Variants in TRIOBP observed in about 807,000 individuals in gnomAD.
TRIOBP encodes the protein TRIO and F-actin-binding protein.
A neutral mutation model predicts 238.8 loss-of-function variants in TRIOBP; 169 were observed. That is an observed-to-expected ratio of 0.71 (90% confidence interval 0.62 to 0.80). TRIOBP has a LOEUF of 0.80. Among genes scored for constraint, TRIOBP ranks in the 30% least tolerant of loss-of-function variants. The pLI is 0.00. For synonymous variants in TRIOBP, 1,150 were observed against 1,274.4 expected, an observed-to-expected ratio of 0.90 and a Z score of 2.08; for missense variants, 2,838 against 3,122.6, an observed-to-expected ratio of 0.91 and a Z score of 2.17.
rs1385756584 is a variant in TRIOBP, at chr22:37,774,286, G to C, written c.*506G>C. The C allele has an allele frequency of 1.3e-5, 2 of 152,452 alleles. No homozygotes were observed. The highest frequency in any genetic ancestry group is 4.8e-5 in the African/African-American group (2 of 41,402). The allele number at this position is 152,452 out of a possible 1,614,324, so 9.4% of individuals were successfully genotyped here. A position where few individuals can be genotyped will look rare whatever the true frequency, so the allele number is the denominator to read the frequency against. On this transcript the variant is annotated 3_prime_UTR_variant, in exon 24 of 24. Transcript: ENST00000644935. The stretch of plus-strand genomic sequence containing the variant: ...CATGGCGGGGTGTCTCTACAGGGGA[G>C]AGGCGGGAGCCTGCCACCCTCTTCC...
At position 37,755,087 on chromosome 22, in the gene TRIOBP, C is replaced by A. The variant is rs748722151; in HGVS notation, c.5488-14C>A. ...CAGGGCCCACACGGACCATAGTGGG[C>A]CCTCTTGCTCCAGGCAGATGAGCTG... is the stretch of plus-strand genomic sequence containing the variant. On this transcript the variant is annotated splice_polypyrimidine_tract_variant and intron_variant, in intron 13 of 23. Coordinates refer to ENST00000644935, the MANE Select transcript of TRIOBP (RefSeq NM_001039141.3). 1 of 1,612,164 alleles carries A rather than the reference C, an allele frequency of 6.2e-7. No individual in the cohort carries two copies.
At chr22:37,705,476 A>G (rs926851715) in intron 3 of TRIOBP, among the ~76,000 whole-genome samples, 1 of 151,966 alleles carries the variant, frequency 6.6e-6, no homozygotes, top group South Asian at 2.1e-4. Flanking sequence ...CAGAGGAGCT[A>G]TAGGACAAGG....
At position 37,724,861 on chromosome 22, in the gene TRIOBP, AGAACATCCT is replaced by A. The variant is rs765819325; in HGVS notation, c.2307_2315del (p.Arg769_Cys772delinsSer). ...CAGAACCATCCAACAAGAGAACCTC[AGAACATCCT>A]GTACCCGACAGGACAATCCCAGGAC... On this transcript the variant is annotated inframe_deletion, in exon 7 of 24. Transcript: ENST00000644935. 2 of 1,613,620 alleles carry A rather than the reference AGAACATCCT, an allele frequency of 1.2e-6. No individual in the cohort carries two copies. The highest frequency in any genetic ancestry group is 1.7e-6 in the Non-Finnish European group (2 of 1,179,918).
intron 2 of TRIOBP, among the ~76,000 whole-genome samples, chr22:37,700,555 C>T (rs114009532): frequency 0.011 from 1,646 of 152,004 alleles, 35 homozygotes; most frequent in African/African-American, 0.038. Flanking sequence ...TAGCAGGGAC[C>T]ACAGGCCTGC....
intron 18 of TRIOBP, among the ~76,000 whole-genome samples, chr22:37,767,808 A>G (rs1471155954): frequency 6.6e-6 from 1 of 152,186 alleles, no homozygotes; most frequent in Non-Finnish European, 1.5e-5. Context: ...TCCATCCAAC[A>G]GGATTATCTT....
chr22:37,751,964 A>C (rs1202926281), intron 12 of TRIOBP, 136 bp downstream of exon 12: 1 of 875,034 alleles, frequency 1.1e-6, no homozygotes, highest in African/African-American at 1.7e-5. Flanking sequence ...GAGGCTGCCC[A>C]TTAGGCTTCT....
At chr22:37,751,581 C>G in intron 11 of TRIOBP, 191 bp from the exon 12 acceptor site, 1 of 643,512 alleles carries the variant, frequency 1.6e-6, no homozygotes, top group Admixed American at 2.3e-5. Flanking sequence ...GGAAAGGGGC[C>G]AGGGCTGCCT....
chr22:37,736,922 C>T (rs978311929), intron 9 of TRIOBP, among the ~76,000 whole-genome samples: 13 of 152,218 alleles, frequency 8.5e-5, no homozygotes, highest in South Asian at 8.3e-4. Context: ...CCACCATGCC[C>T]GGCCTAAGTC....
At chr22:37,707,239 G>A (rs1314978599) in intron 3 of TRIOBP, among the ~76,000 whole-genome samples, 2 of 152,064 alleles carry the variant, frequency 1.3e-5, no homozygotes, top group Non-Finnish European at 2.9e-5. Flanking sequence ...TCTGGCCACC[G>A]CACTCCAGCC....
chr22:37,768,026 T>C (rs749659190), intron 18 of TRIOBP, 48 bp from the exon 19 acceptor site: 6 of 1,511,088 alleles, frequency 4.0e-6, no homozygotes, highest in Admixed American at 1.8e-5. Context: ...CACTTGGTGC[T>C]GCTGACCCCC....
At position 37,765,806 on chromosome 22, in the gene TRIOBP, C is replaced by T. The variant is rs939063797; in HGVS notation, c.6461C>T (p.Ala2154Val). ...TGGCTCCTGGCTGAGGAGACGGCAGCCACGGCCTCAGGTATGGACCCTGGG... is the reference window on the plus strand; with the variant it reads ...TGGCTCCTGGCTGAGGAGACGGCAGTCACGGCCTCAGGTATGGACCCTGGG... Reference protein sequence around the residue: ...KEWLLAEETAATASAIEAMKK... With the variant: ...KEWLLAEETAVTASAIEAMKK... Residue 2154 changes from alanine to valine, a missense_variant, in exon 18 of 24, where the codon GCC becomes GTC. Around this residue, in one of 5 missense-constraint regions of TRIOBP, gnomAD observed 2,096 missense variants for 2,137.4 expected, o/e 0.98. Transcript: ENST00000644935. 6.4e-7 allele frequency: 1 copy of T among 1,573,734 alleles called. No homozygotes were observed.
intron 5 of TRIOBP, among the ~76,000 whole-genome samples, 195 bp downstream of exon 5, chr22:37,713,606 C>T (rs1465475619): frequency 6.6e-6 from 1 of 152,228 alleles, no homozygotes; most frequent in Non-Finnish European, 1.5e-5. Flanking sequence ...CAGGCTGGCC[C>T]AGGGCAGCTG....
chr22:37,748,576 C>CT (rs933115313), intron 11 of TRIOBP, among the ~76,000 whole-genome samples: 5 of 29,672 alleles, frequency 1.7e-4, no homozygotes, highest in African/African-American at 4.5e-4. Context: ...TGCCTGATAA[C>CT]TTTAAAAAAA....
intron 7 of TRIOBP, among the ~76,000 whole-genome samples, chr22:37,729,819 A>C (rs1329411121): frequency 3.9e-5 from 6 of 152,230 alleles, no homozygotes; most frequent in Non-Finnish European, 8.8e-5. Flanking sequence ...TTCCAAGTAG[A>C]AAACCATTCA....
intron 16 of TRIOBP, among the ~76,000 whole-genome samples, chr22:37,758,556 G>T (rs1298903015): frequency 6.6e-6 from 1 of 152,096 alleles, no homozygotes; most frequent in Non-Finnish European, 1.5e-5. Context: ...CATACCTGGA[G>T]CCCCAGCTAC....
intron 2 of TRIOBP, among the ~76,000 whole-genome samples, chr22:37,700,550 G>A (rs973204570): frequency 3.3e-5 from 5 of 151,876 alleles, no homozygotes; most frequent in Admixed American, 6.6e-5. Context: ...CTGAGTAGCA[G>A]GGACCACAGG....
chr22:37,752,532 T>A lies in TRIOBP; in HGVS notation c.5379+704T>A, dbSNP rs554134878. Reference sequence around the variant, plus strand: ...CAGGAGCGTCTCCCCACCCCTGCCCTGCATGCGCCTGCTGCTCTGGTCTGC... The same window carrying A: ...CAGGAGCGTCTCCCCACCCCTGCCCAGCATGCGCCTGCTGCTCTGGTCTGC... On this transcript the variant is annotated intron_variant, in intron 12 of 23. Transcript: ENST00000644935. Among the ~76,000 whole-genome samples the A allele has an allele frequency of 2.2e-4, 33 of 152,320 alleles. No individual in the cohort carries two copies. The South Asian group carries it at 3.7e-3, about 17-fold the overall frequency.
rs1924582056 is a variant in TRIOBP at position 37,734,729 on chromosome 22, C to T, written c.4393C>T (p.Pro1465Ser). The change falls in exon 9 of 24, where the codon CCC (proline) becomes TCC (serine). Residue 1465 changes from proline (P) to serine (S), a missense_variant. Coordinates refer to ENST00000644935, the MANE Select transcript of TRIOBP (RefSeq NM_001039141.3). Reference protein sequence around the residue: ...GPGGWWGCGEPSLGAAKAPEG... With the variant: ...GPGGWWGCGESSLGAAKAPEG... ...TGGGGGCTGGTGGGGATGTGGAGAG[C>T]CCAGCCTGGGGGCAGCCAAAGCCCC... 6.2e-7 allele frequency: 1 copy of T among 1,609,804 alleles called. No individual in the cohort carries two copies. Among genetic ancestry groups the T allele is most frequent in the East Asian group, 2.2e-5 (1 of 44,736 alleles).
At chr22:37,742,005 T>G (rs946813533) in intron 11 of TRIOBP, among the ~76,000 whole-genome samples, 11 of 152,232 alleles carry the variant, frequency 7.2e-5, no homozygotes, top group African/African-American at 2.4e-4. Context: ...TCGCCCAGGC[T>G]GGAGTGCAGT....
Sources: gnomAD v4.1 joint callset for allele counts (sites outside exome capture counted in the v4.1 genomes callset) on GRCh38, gnomAD v4.1.1 for gene constraint, gnomAD v4.1.1 regional missense constraint, MANE v1.5 for transcripts, NCBI Gene and HGNC (gene_info 2026-07-23, HGNC 2026-07-21) for gene names.